Variants in CHSY3 observed in about 807,000 individuals in gnomAD.
CHSY3 encodes the protein N-acetylgalactosaminyl-proteoglycan 3-beta-glucuronosyltransferase 3.
CHSY3 carries 35 observed loss-of-function variants against 67.2 expected under a neutral mutation model. The ratio of observed to expected loss-of-function variants is 0.52; its 90% CI spans 0.40 to 0.69. CHSY3 has a LOEUF of 0.69. Among genes scored for constraint, CHSY3 ranks in the 30% least tolerant of loss-of-function variants. The pLI, the probability that CHSY3 is intolerant of heterozygous loss-of-function variation, is 0.00. For missense variants in CHSY3, 1,069 were observed against 1,138.5 expected (o/e 0.94, Z 0.88); for synonymous variants, 474 against 434.7 (o/e 1.09, Z -1.12).
At chr5:129,943,822 C>T (rs1268616231) in intron 2 of CHSY3, among the ~76,000 whole-genome samples, 1 of 152,168 alleles carries the variant, frequency 6.6e-6, no homozygotes, top group Non-Finnish European at 1.5e-5. Context: ...TGAGCATTTA[C>T]AGCTTTTTTG....
At chr5:130,084,345 T>G (rs1278557964) in intron 2 of CHSY3, among the ~76,000 whole-genome samples, 4 of 151,982 alleles carry the variant, frequency 2.6e-5, no homozygotes, top group Admixed American at 2.6e-4. Flanking sequence ...ATCATAAATA[T>G]TTAAGGTGAA....
intron 2 of CHSY3, among the ~76,000 whole-genome samples, chr5:130,174,767 A>G (rs1769994922): frequency 1.3e-5 from 2 of 152,148 alleles, no homozygotes; most frequent in African/African-American, 2.4e-5. Flanking sequence ...TGAGGTATAT[A>G]CTATTTATGG....
intron 2 of CHSY3, chr5:130,002,206 T>A: frequency 4.3e-6 from 1 of 232,288 alleles, no homozygotes; most frequent in Non-Finnish European, 7.1e-6. Context: ...CCTATATAGT[T>A]AAGGAATAGG....
At chr5:130,096,603 A>G (rs1767055721) in intron 2 of CHSY3, among the ~76,000 whole-genome samples, 1 of 152,190 alleles carries the variant, frequency 6.6e-6, no homozygotes, top group African/African-American at 2.4e-5. Flanking sequence ...CTGTAAGTCT[A>G]AAGTTATCTC....
At chr5:130,168,324 G>A (rs1156951121) in intron 2 of CHSY3, among the ~76,000 whole-genome samples, 4 of 152,162 alleles carry the variant, frequency 2.6e-5, no homozygotes, top group Non-Finnish European at 4.4e-5. Flanking sequence ...TCCTACAGTC[G>A]TTTCACATCC....
chr5:129,940,053 G>A (rs570306771), intron 2 of CHSY3, among the ~76,000 whole-genome samples: 1 of 152,190 alleles, frequency 6.6e-6, no homozygotes, highest in Admixed American at 6.5e-5. Context: ...ATTCTTTAGA[G>A]GCTTGTCATT....
intron 2 of CHSY3, among the ~76,000 whole-genome samples, chr5:130,058,033 T>C (rs1250798872): frequency 1.3e-5 from 2 of 152,148 alleles, no homozygotes; most frequent in Non-Finnish European, 2.9e-5. Flanking sequence ...ATTTCTCTTT[T>C]TTTAAAAATT....
intron 2 of CHSY3, among the ~76,000 whole-genome samples, chr5:130,054,473 G>A (rs1487007174): frequency 1.3e-5 from 2 of 152,164 alleles, no homozygotes; most frequent in Non-Finnish European, 2.9e-5. Context: ...GTCTAGTGAA[G>A]TAGTTAAGAA....
At chr5:130,169,483 A>G (rs1769839748) in intron 2 of CHSY3, among the ~76,000 whole-genome samples, 1 of 152,112 alleles carries the variant, frequency 6.6e-6, no homozygotes, top group African/African-American at 2.4e-5. Context: ...ATCACTGGAA[A>G]TTATCATGTA....
intron 2 of CHSY3, among the ~76,000 whole-genome samples, chr5:130,150,575 C>G (rs1375604086): frequency 6.6e-6 from 1 of 152,010 alleles, no homozygotes; most frequent in Non-Finnish European, 1.5e-5. Context: ...TGAATATATA[C>G]TATTGATAAA....
At chr5:129,918,340 C>T (rs770917394) in intron 2 of CHSY3, among the ~76,000 whole-genome samples, 10 of 152,076 alleles carry the variant, frequency 6.6e-5, no homozygotes, top group Non-Finnish European at 1.5e-4. Flanking sequence ...TACATTGGCT[C>T]GATTGCTTTA....
intron 2 of CHSY3, among the ~76,000 whole-genome samples, chr5:130,020,479 T>TC (rs1554077202): frequency 1.5e-4 from 19 of 130,032 alleles, no homozygotes; most frequent in Middle Eastern, 4.1e-3. Context: ...TTTTTTTTTT[T>TC]CCTCTGGCTC....
chr5:129,989,282 A>C (rs1212035939), intron 2 of CHSY3, among the ~76,000 whole-genome samples: 1 of 116,696 alleles, frequency 8.6e-6, no homozygotes, highest in African/African-American at 3.1e-5. Flanking sequence ...TTTTTTTGAG[A>C]CAGAGTTTCG....
At position 129,905,195 on chromosome 5, in the gene CHSY3, G is replaced by A. The variant is rs1561446841; in HGVS notation, c.366G>A (p.Thr122=). ...RRRGREPEGA[T]GLPGAPAAEG... ...GAGGACGCGAGCCTGAGGGCGCGAC[G>A]GGGCTTCCCGGTGCTCCAGCGGCCG... The change falls in exon 1 of 3, where the codon ACG becomes ACA. Residue 122 remains threonine, a synonymous_variant. Coordinates refer to ENST00000305031, the MANE Select transcript of CHSY3 (RefSeq NM_175856.5). 1 of 1,516,912 alleles carries A rather than the reference G, an allele frequency of 6.6e-7. No homozygotes were observed. Among genetic ancestry groups the A allele is most frequent in the African/African-American group, 1.4e-5 (1 of 70,374 alleles). 94.0% of individuals were successfully genotyped at this position (1,516,912 alleles called of 1,614,324 possible).
chr5:130,007,959 A>G (rs1763923640), intron 2 of CHSY3, among the ~76,000 whole-genome samples: 1 of 152,130 alleles, frequency 6.6e-6, no homozygotes. Flanking sequence ...TTTTTTACTG[A>G]CAGACCTTGG....
intron 2 of CHSY3, among the ~76,000 whole-genome samples, chr5:130,070,357 C>T (rs1766019706): frequency 1.3e-5 from 2 of 152,006 alleles, no homozygotes; most frequent in Non-Finnish European, 2.9e-5. Flanking sequence ...TATTTGATTG[C>T]TAGTGAATGC....
intron 2 of CHSY3, among the ~76,000 whole-genome samples, chr5:130,123,520 C>G (rs1768126704): frequency 6.6e-6 from 1 of 152,290 alleles, no homozygotes; most frequent in South Asian, 2.1e-4. Context: ...GCTGATCTGA[C>G]AGGAGGCAGA....
chr5:129,956,313 T>G (rs138782468), intron 2 of CHSY3, among the ~76,000 whole-genome samples: 110 of 152,280 alleles, frequency 7.2e-4, no homozygotes, highest in Non-Finnish European at 1.4e-3. Flanking sequence ...TCCGTGATGT[T>G]GAGCTTTTTT....
At chr5:130,172,528 G>A (rs933199063) in intron 2 of CHSY3, among the ~76,000 whole-genome samples, 2 of 151,686 alleles carry the variant, frequency 1.3e-5, no homozygotes, top group African/African-American at 2.4e-5. Context: ...ATGGGGTTTC[G>A]CCATGTTGCC....
Sources: allele counts gnomAD v4.1 joint callset (sites outside exome capture counted in the v4.1 genomes callset), GRCh38; gene constraint gnomAD v4.1.1; transcripts MANE v1.5; gene names NCBI Gene and HGNC (gene_info 2026-07-23, HGNC 2026-07-21).